Variants in ARHGAP26 observed in about 807,000 individuals in gnomAD.
ARHGAP26 encodes rho GTPase-activating protein 26.
In ARHGAP26, 38 loss-of-function variants were observed where a neutral mutation model predicts 104.8. The ratio of observed to expected loss-of-function variants is 0.36; its 90% CI spans 0.28 to 0.48. ARHGAP26 has a LOEUF of 0.48. Among genes scored for constraint, ARHGAP26 ranks in the 20% least tolerant of loss-of-function variants. The probability of loss-of-function intolerance (pLI) is 0.99; values close to 1 mark genes in which losing one functional copy is unlikely to be tolerated. For missense variants in ARHGAP26, 704 were observed against 947.9 expected (o/e 0.74, Z 3.38); for synonymous variants, 341 against 340.0 (o/e 1.00, Z -0.03).
At chr5:142,795,211 A>G (rs384521) in intron 1 of ARHGAP26, among the ~76,000 whole-genome samples, 40,165 of 151,932 alleles carry the variant, frequency 0.26, 8,390 homozygotes, top group African/African-American at 0.56. Context: ...CATTGACTGT[A>G]TGGGCATTTT....
At chr5:142,889,465 A>T (rs1758181960) in intron 5 of ARHGAP26, among the ~76,000 whole-genome samples, 1 of 152,086 alleles carries the variant, frequency 6.6e-6, no homozygotes, top group Non-Finnish European at 1.5e-5. Flanking sequence ...ATGCAAAAAA[A>T]AAATTAGCTA....
chr5:143,022,765 G>A (rs1780527315), intron 12 of ARHGAP26, among the ~76,000 whole-genome samples: 1 of 152,170 alleles, frequency 6.6e-6, no homozygotes, highest in Non-Finnish European at 1.5e-5. Flanking sequence ...AGAGGTCAAG[G>A]GAGCACAGTT....
At chr5:142,946,176 A>G (rs1767070767) in intron 11 of ARHGAP26, among the ~76,000 whole-genome samples, 1 of 152,116 alleles carries the variant, frequency 6.6e-6, no homozygotes, top group African/African-American at 2.4e-5. Context: ...ATTCAATCTC[A>G]GTTTTGTAGA....
chr5:142,770,809 G>T lies in ARHGAP26; in HGVS notation c.48G>T (p.Pro16=). 6.2e-7 allele frequency: 1 copy of T among 1,603,612 alleles called. No homozygotes were observed. Among genetic ancestry groups the T allele is most frequent in the Non-Finnish European group, 8.5e-7 (1 of 1,174,942 alleles). The change falls in exon 1 of 23, where the codon CCG becomes CCT. Residue 16 remains proline (P), a synonymous_variant. Coordinates refer to ENST00000645722, the MANE Select transcript of ARHGAP26 (RefSeq NM_001135608.3). ...TCAGCGACTGCTGCCTCGATAGTCC[G>T]CACTTCCGAGAGACGCTCAAGTCGC... ...LEFSDCCLDS[P]HFRETLKSHE... is the part of the protein sequence containing the mutation.
chr5:143,102,610 G>C (rs898363196), intron 17 of ARHGAP26, among the ~76,000 whole-genome samples: 3 of 152,242 alleles, frequency 2.0e-5, no homozygotes, highest in Non-Finnish European at 4.4e-5. Flanking sequence ...TGTGCCTGTT[G>C]CGTCGCCCAT....
intron 11 of ARHGAP26, among the ~76,000 whole-genome samples, chr5:143,005,393 G>A (rs1469215724): frequency 6.6e-6 from 1 of 152,236 alleles, no homozygotes; most frequent in Admixed American, 6.5e-5. Flanking sequence ...TAAAAAATGA[G>A]TGAGTGTCAT....
At chr5:143,013,972 C>A in intron 11 of ARHGAP26, 108 bp from the exon 12 acceptor site, 1 of 1,061,818 alleles carries the variant, frequency 9.4e-7, no homozygotes, top group Non-Finnish European at 1.4e-6. Flanking sequence ...AATTACCTTC[C>A]ACTTCATGGT....
chr5:143,227,433 A>G lies in ARHGAP26; in HGVS notation c.*4987A>G. The G allele has an allele frequency of 4.3e-6, 1 of 231,272 alleles. No homozygotes were observed. Among genetic ancestry groups the G allele is most frequent in the Non-Finnish European group, 8.6e-6 (1 of 116,844 alleles). 14.3% of individuals were successfully genotyped at this position (231,272 alleles called of 1,614,324 possible). ...CTCACCCACCCTGTGCTGGTGTCTA[A>G]CAAATTTATCTTGTCATGCTCAAAT... On this transcript the variant is annotated 3_prime_UTR_variant, in exon 23 of 23. Coordinates refer to ENST00000645722, the MANE Select transcript of ARHGAP26 (RefSeq NM_001135608.3).
In ARHGAP26 at chr5:142,961,084, TC is replaced by T. The variant is rs1347057659; in HGVS notation, c.1107+28961del. Among the ~76,000 whole-genome samples the T allele has an allele frequency of 2.0e-5, 3 of 152,338 alleles. No homozygotes were observed. In the East Asian group the frequency reaches 5.8e-4, roughly 29 times the overall value. On this transcript the variant is annotated intron_variant, in intron 11 of 22. Coordinates refer to ENST00000645722, the MANE Select transcript of ARHGAP26 (RefSeq NM_001135608.3). Reference sequence around the variant, plus strand: ...TGTTTTCTTGTTTATAATTTTTCTTTCCTTTAGAGTGGCATTCCTTGAATTA... The same window carrying T: ...TGTTTTCTTGTTTATAATTTTTCTTTCTTTAGAGTGGCATTCCTTGAATTA...
chr5:143,195,178 C>A lies in ARHGAP26; in HGVS notation c.1989-12020C>A, dbSNP rs552609931. On this transcript the variant is annotated intron_variant, in intron 20 of 22. Transcript: ENST00000645722. ...CATCTGCCTTTCATGGTATCCGGACCAAGGTTCGTGCATTTGCAAGAGTTT... is the reference window on the plus strand; with the variant it reads ...CATCTGCCTTTCATGGTATCCGGACAAAGGTTCGTGCATTTGCAAGAGTTT... Among the ~76,000 whole-genome samples, 6 of 152,256 alleles carry A rather than the reference C, an allele frequency of 3.9e-5. No homozygotes were observed. The East Asian group carries it at 1.2e-3, about 29-fold the overall frequency.
chr5:143,031,277 GC>G (rs1366377536), intron 12 of ARHGAP26, among the ~76,000 whole-genome samples: 2 of 152,220 alleles, frequency 1.3e-5, no homozygotes, highest in African/African-American at 4.8e-5. Context: ...GCAAGGTGCT[GC>G]AGGGAGGTGA....
chr5:142,792,970 T>A (rs1192004081), intron 1 of ARHGAP26, among the ~76,000 whole-genome samples: 1 of 152,180 alleles, frequency 6.6e-6, no homozygotes, highest in Non-Finnish European at 1.5e-5. Flanking sequence ...GGCAGAAAGG[T>A]TGGAGGAACT....
intron 19 of ARHGAP26, among the ~76,000 whole-genome samples, chr5:143,143,660 C>T (rs986474355): frequency 6.6e-6 from 1 of 152,132 alleles, no homozygotes; most frequent in Admixed American, 6.5e-5. Context: ...GTGTATTATT[C>T]CCTTATATTT....
At chr5:143,199,083 T>C (rs1053069227) in intron 20 of ARHGAP26, among the ~76,000 whole-genome samples, 4 of 152,234 alleles carry the variant, frequency 2.6e-5, no homozygotes, top group African/African-American at 2.4e-5. Flanking sequence ...CTAGTTTCAT[T>C]AAAATAAGAA....
chr5:142,817,366 G>C (rs1295769705), intron 1 of ARHGAP26, among the ~76,000 whole-genome samples: 2 of 152,196 alleles, frequency 1.3e-5, no homozygotes, highest in East Asian at 3.9e-4. Context: ...GAAGAGGCTT[G>C]GGTAGAACCA....
chr5:143,148,520 T>G (rs943906702), intron 20 of ARHGAP26, among the ~76,000 whole-genome samples: 7 of 152,212 alleles, frequency 4.6e-5, no homozygotes, highest in African/African-American at 1.7e-4. Context: ...ATATAAGATC[T>G]TTTTAGTTGT....
chr5:143,075,980 T>A (rs1018979109), intron 17 of ARHGAP26, among the ~76,000 whole-genome samples: 4 of 151,208 alleles, frequency 2.6e-5, no homozygotes, highest in Middle Eastern at 3.5e-3. Flanking sequence ...ATTATAGGCA[T>A]GAGCCACTGT....
At chr5:142,848,376 G>C (rs1293512491) in intron 1 of ARHGAP26, among the ~76,000 whole-genome samples, 6 of 152,178 alleles carry the variant, frequency 3.9e-5, no homozygotes, top group African/African-American at 1.4e-4. Flanking sequence ...ACAGAACCTT[G>C]AACCAAACAA....
At chr5:142,851,769 A>G (rs896656353) in intron 1 of ARHGAP26, among the ~76,000 whole-genome samples, 1 of 152,104 alleles carries the variant, frequency 6.6e-6, no homozygotes, top group African/African-American at 2.4e-5. Flanking sequence ...CTCCAGCCAC[A>G]TGGTCTTGTG....
Sources: gnomAD v4.1 joint callset for allele counts (sites outside exome capture counted in the v4.1 genomes callset) on GRCh38, gnomAD v4.1.1 for gene constraint, MANE v1.5 for transcripts, NCBI Gene and HGNC (gene_info 2026-07-23, HGNC 2026-07-21) for gene names.